Variants in NRG4 observed in about 807,000 individuals in gnomAD.
The protein encoded by NRG4 is neuregulin 4.
A neutral mutation model predicts 15.0 loss-of-function variants in NRG4; 10 were observed. The ratio of observed to expected loss-of-function variants is 0.67; its 90% CI spans 0.41 to 1.13. NRG4 has a LOEUF of 1.13. Among genes scored for constraint, NRG4 ranks in the 50% most tolerant of loss-of-function variants. The pLI, the probability that NRG4 is intolerant of heterozygous loss-of-function variation, is 0.00. For synonymous variants in NRG4, 41 were observed against 50.1 expected (o/e 0.82, Z 0.77); for missense variants, 139 against 140.2 (o/e 0.99, Z 0.04).
chr15:75,987,138 C>T (rs1423490208), intron 3 of NRG4, among the ~76,000 whole-genome samples: 3 of 152,104 alleles, frequency 2.0e-5, no homozygotes, highest in South Asian at 2.1e-4. Flanking sequence ...GAAAGCTTTG[C>T]GGTCCCCAGG....
At position 75,956,011 on chromosome 15, in the gene NRG4, C is replaced by T. The variant is rs773580979; in HGVS notation, c.252G>A (p.Arg84=). The T allele has an allele frequency of 6.3e-7, 1 of 1,595,830 alleles. No individual in the cohort carries two copies. The highest frequency in any genetic ancestry group is 1.1e-5 in the South Asian group (1 of 90,598). The part of the protein sequence containing the change: ...LIIGAFYFLC[R]KGHFQRASSV... ...AACTGGCTCTCTGAAAGTGGCCTTT[C>T]CTGACAATAAAGAGGAGAGAAACAC... is the stretch of plus-strand genomic sequence containing the variant. The change falls in exon 5 of 6, where the codon AGG becomes AGA. Residue 84 remains arginine, a splice_region_variant and synonymous_variant. Coordinates refer to ENST00000394907, the MANE Select transcript of NRG4 (RefSeq NM_138573.4).
At chr15:75,992,682 C>T (rs1262778819) in intron 3 of NRG4, among the ~76,000 whole-genome samples, 1 of 152,110 alleles carries the variant, frequency 6.6e-6, no homozygotes, top group Non-Finnish European at 1.5e-5. Context: ...AATCTACTTT[C>T]TATCTCTATA....
At chr15:75,991,389 C>T (rs1026075985) in intron 3 of NRG4, among the ~76,000 whole-genome samples, 16 of 152,158 alleles carry the variant, frequency 1.1e-4, no homozygotes, top group Admixed American at 3.9e-4. Context: ...CTACTAACAT[C>T]ATACAAAAAC....
chr15:75,944,044 A>G lies in NRG4; in HGVS notation c.332-390T>C, dbSNP rs530841466. On this transcript the variant is annotated intron_variant, in intron 5 of 5. Coordinates refer to ENST00000394907, the MANE Select transcript of NRG4 (RefSeq NM_138573.4). ...GCTAGAGTGAGTCACTGTAACAGCA[A>G]TGACAATAATAGATGGCAAGAAAAT... 1.3e-3 allele frequency among the ~76,000 whole-genome samples: 205 copies of G among 152,128 alleles called. 1 individual carries two copies. The highest frequency in any genetic ancestry group is 1.4e-3 in the Non-Finnish European group (93 of 68,012).
At chr15:75,983,798 T>A (rs749976673) in intron 3 of NRG4, among the ~76,000 whole-genome samples, 1 of 152,076 alleles carries the variant, frequency 6.6e-6, no homozygotes, top group Non-Finnish European at 1.5e-5. Flanking sequence ...GTAAAACCTA[T>A]ATGAGGGAAA....
downstream of NRG4, chr15:75,939,530 G>T (rs1259645346): frequency 2.6e-5 from 4 of 152,118 alleles, no homozygotes; most frequent in East Asian, 7.7e-4. Context: ...CCCAAAAATT[G>T]AAGAGGAAGG....
At chr15:76,033,822 A>G (rs745561953) in intron 5 of NRG4, among the ~76,000 whole-genome samples, 5 of 152,252 alleles carry the variant, frequency 3.3e-5, no homozygotes, top group Non-Finnish European at 7.3e-5. Flanking sequence ...ATCAGAAAAG[A>G]GGAAAGCCTT....
chr15:75,987,025 T>G (rs1301742189), intron 3 of NRG4, among the ~76,000 whole-genome samples: 1 of 152,168 alleles, frequency 6.6e-6, no homozygotes, highest in Non-Finnish European at 1.5e-5. Context: ...TGTTTTTGAG[T>G]GAATTACATT....
chr15:76,004,083 A>C (rs903928150), intron 3 of NRG4, among the ~76,000 whole-genome samples: 4 of 152,222 alleles, frequency 2.6e-5, no homozygotes, highest in Admixed American at 6.5e-5. Flanking sequence ...TTCTTAGTTT[A>C]TGTTTTGTGG....
intron 3 of NRG4, among the ~76,000 whole-genome samples, chr15:76,007,076 A>G (rs1038826426): frequency 2.0e-5 from 3 of 152,206 alleles, no homozygotes; most frequent in Non-Finnish European, 4.4e-5. Context: ...ACAACAAACT[A>G]TAAAATTTTT....
rs2033423719 is a variant in NRG4, at chr15:75,977,573, C to T, written c.105-15599G>A. Among the ~76,000 whole-genome samples, 2 of 152,298 alleles carry T rather than the reference C, an allele frequency of 1.3e-5. No individual in the cohort carries two copies. Among genetic ancestry groups the T allele is most frequent in the Admixed American group, 6.5e-5 (1 of 15,304 alleles). On this transcript the variant is annotated intron_variant, in intron 3 of 5. Transcript: ENST00000394907. The surrounding 1 kb of genome is among the most constrained non-coding windows in gnomAD (Gnocchi z 4.9). ...CTTCCCTTGGCTAGGGGAGGGAATT[C>T]CCCCAACCCTTGTGCTTCCTGGGTG...
At chr15:75,950,907 A>G (rs1311997808) in intron 5 of NRG4, 8 of 199,094 alleles carry the variant, frequency 4.0e-5, no homozygotes. Context: ...ATTTCATTTA[A>G]TTTTTCTTGC....
At chr15:75,997,564 G>A (rs1035914718) in intron 3 of NRG4, among the ~76,000 whole-genome samples, 1 of 152,126 alleles carries the variant, frequency 6.6e-6, no homozygotes, top group Non-Finnish European at 1.5e-5. Flanking sequence ...AGTAGAGAGA[G>A]ATATAAGATA....
chr15:75,996,698 T>A (rs1206772831), intron 3 of NRG4, among the ~76,000 whole-genome samples: 1 of 152,158 alleles, frequency 6.6e-6, no homozygotes, highest in Non-Finnish European at 1.5e-5. Flanking sequence ...TAGTACTAGA[T>A]CCCAACATTA....
At chr15:75,970,509 C>A (rs2033040417) in intron 3 of NRG4, among the ~76,000 whole-genome samples, 1 of 152,226 alleles carries the variant, frequency 6.6e-6, no homozygotes, top group Non-Finnish European at 1.5e-5. Context: ...GCAGCAGGGA[C>A]CGTCCCAGGT....
upstream of NRG4, among the ~76,000 whole-genome samples, chr15:76,012,603 C>T (rs75959420): frequency 6.6e-6 from 1 of 152,056 alleles, no homozygotes; most frequent in Non-Finnish European, 1.5e-5. Context: ...TTACTGTCCA[C>T]GTTTTAAAGG....
intron 5 of NRG4, among the ~76,000 whole-genome samples, chr15:76,029,539 T>C (rs188704312): frequency 5.3e-5 from 8 of 152,280 alleles, no homozygotes; most frequent in African/African-American, 1.7e-4. Context: ...CTAAAGACTC[T>C]ACCAAAAAAC....
chr15:75,945,353 C>T (rs1337164832), intron 5 of NRG4, among the ~76,000 whole-genome samples: 4 of 151,508 alleles, frequency 2.6e-5, no homozygotes, highest in Non-Finnish European at 5.9e-5. Context: ...CGGGTTCAAG[C>T]TATTGTCCTG....
intron 4 of NRG4, among the ~76,000 whole-genome samples, chr15:76,040,761 C>T (rs1484493028): frequency 6.6e-6 from 1 of 152,098 alleles, no homozygotes; most frequent in Non-Finnish European, 1.5e-5. Flanking sequence ...CCTGTCTCTA[C>T]TAAAAATATA....
Sources: allele counts gnomAD v4.1 joint callset (sites outside exome capture counted in the v4.1 genomes callset), GRCh38; gene constraint gnomAD v4.1.1; non-coding constraint Gnocchi (gnomAD v3.1); transcripts MANE v1.5; gene names NCBI Gene and HGNC (gene_info 2026-07-23, HGNC 2026-07-21).